The following EPB41L2 variants were observed in gnomAD, a reference collection of about 807,000 sequenced individuals.
The protein encoded by EPB41L2 is band 4.1-like protein 2.
A neutral mutation model predicts 113.0 loss-of-function variants in EPB41L2; 43 were observed. The ratio of observed to expected loss-of-function variants is 0.38; its 90% confidence interval spans 0.30 to 0.49. EPB41L2 has a LOEUF of 0.49. EPB41L2 is among the 20% of genes least tolerant of loss of function. The pLI, the probability that EPB41L2 is intolerant of heterozygous loss-of-function variation, is 0.95. For missense variants in EPB41L2, 1,147 were observed against 1,223.4 expected, an observed-to-expected ratio of 0.94 and a Z score of 0.93; for synonymous variants, 442 against 436.7, an observed-to-expected ratio of 1.01 and a Z score of -0.15.
chr6:131,025,955 G>A lies in EPB41L2; in HGVS notation c.-15+37200C>T, dbSNP rs186835094. Reference sequence around the variant, plus strand: ...TCACAAAGTGGATCAAAGCAAAGCCGTTCAAAGTCACCTAAAAAAAATACC... The same window carrying A: ...TCACAAAGTGGATCAAAGCAAAGCCATTCAAAGTCACCTAAAAAAAATACC... On this transcript the variant is annotated intron_variant, in intron 1 of 19. Coordinates refer to ENST00000337057, the MANE Select transcript of EPB41L2 (RefSeq NM_001431.4). 2.4e-4 allele frequency among the ~76,000 whole-genome samples: 36 copies of A among 152,230 alleles called. No homozygotes were observed. The East Asian group carries it at 5.2e-3, about 22-fold the overall frequency.
intron 3 of EPB41L2, among the ~76,000 whole-genome samples, chr6:130,949,944 T>C (rs1023372671): frequency 6.6e-6 from 1 of 152,218 alleles, no homozygotes; most frequent in Non-Finnish European, 1.5e-5. Flanking sequence ...GAATACAGTA[T>C]ATAATACAAC....
intron 1 of EPB41L2, among the ~76,000 whole-genome samples, chr6:131,037,585 ATTTTTT>A (rs10685424): frequency 1.6e-5 from 2 of 122,674 alleles, no homozygotes; most frequent in African/African-American, 6.3e-5. Context: ...AAAACCTAAA[ATTTTTT>A]TTTTTTTTTT....
At chr6:131,043,502 G>C (rs1239817652) in intron 1 of EPB41L2, among the ~76,000 whole-genome samples, 1 of 151,914 alleles carries the variant, frequency 6.6e-6, no homozygotes, top group Non-Finnish European at 1.5e-5. Flanking sequence ...AACTACATAG[G>C]GATGGAATCA....
intron 1 of EPB41L2, among the ~76,000 whole-genome samples, chr6:131,029,628 C>G (rs1791649080): frequency 6.6e-6 from 1 of 152,186 alleles, no homozygotes; most frequent in Non-Finnish European, 1.5e-5. Context: ...TCTCCCACCT[C>G]AACGCCCATG....
At position 130,974,789 on chromosome 6, in the gene EPB41L2, G is replaced by A. The variant is rs1371023649; in HGVS notation, c.-14-18290C>T. ...CTCCCAGGCTGGAGTACAGTGGCGC[G>A]ATCTCAGTTCACTACAACCTCTGCC... On this transcript the variant is annotated intron_variant, in intron 1 of 19. Transcript: ENST00000337057. Among the ~76,000 whole-genome samples, 11 of 133,780 alleles carry A rather than the reference G, an allele frequency of 8.2e-5. No individual in the cohort carries two copies. The Admixed American group carries it at 9.2e-4, about 11-fold the overall frequency. The allele number at this position is 133,780 out of a possible 152,430, so 87.8% of individuals were successfully genotyped here. A position where few individuals can be genotyped will look rare whatever the true frequency, so the allele number is the denominator to read the frequency against.
Position 130,997,836 on chromosome 6 carries a change from A to G in EPB41L2, c.-14-41337T>C, listed in dbSNP as rs962774553. 9.9e-5 allele frequency among the ~76,000 whole-genome samples: 15 copies of G among 152,266 alleles called. No homozygotes were observed. The East Asian group carries it at 2.9e-3, about 29-fold the overall frequency. ...CTGTAGGGAAGAATTAAAAGAAACT[A>G]TTGGACACAAGTTTCACTCATTATT... On this transcript the variant is annotated intron_variant, in intron 1 of 19. Transcript: ENST00000337057.
intron 3 of EPB41L2, among the ~76,000 whole-genome samples, chr6:130,928,444 T>C (rs1253815524): frequency 6.6e-6 from 1 of 152,214 alleles, no homozygotes; most frequent in African/African-American, 2.4e-5. Context: ...AGAGTTGCAG[T>C]ACATAACAAT....
rs1481990606 is a variant in EPB41L2, at chr6:130,921,711, C to T, written c.810+4894G>A. On this transcript the variant is annotated intron_variant, in intron 4 of 19. Coordinates refer to ENST00000337057, the MANE Select transcript of EPB41L2 (RefSeq NM_001431.4). ...AAATTTATAGATCTGCTTTAATATACCAATATAAAATATTCATACCACAGG... is the reference window on the plus strand; with the variant it reads ...AAATTTATAGATCTGCTTTAATATATCAATATAAAATATTCATACCACAGG... Among the ~76,000 whole-genome samples the T allele has an allele frequency of 4.6e-5, 7 of 152,152 alleles. No individual in the cohort carries two copies. In the East Asian group the frequency reaches 1.2e-3, roughly 25 times the overall value.
intron 1 of EPB41L2, among the ~76,000 whole-genome samples, chr6:130,971,152 C>G (rs1454746473): frequency 6.6e-6 from 1 of 152,188 alleles, no homozygotes; most frequent in East Asian, 1.9e-4. Context: ...CTGCCTTGGC[C>G]TCCCAAAATG....
chr6:130,884,742 A>G (rs1790389237), intron 12 of EPB41L2, among the ~76,000 whole-genome samples: 2 of 152,232 alleles, frequency 1.3e-5, no homozygotes, highest in African/African-American at 4.8e-5. Context: ...TCAAGTCAAT[A>G]ATTAAAATAA....
In EPB41L2 at chr6:131,035,132, A is replaced by G. The variant is rs148237976; in HGVS notation, c.-15+28023T>C. Among the ~76,000 whole-genome samples the G allele has an allele frequency of 3.1e-3, 465 of 152,322 alleles. 1 individual carries two copies. Among genetic ancestry groups the G allele is most frequent in the African/African-American group, 0.011 (439 of 41,560 alleles). On this transcript the variant is annotated intron_variant, in intron 1 of 19. Coordinates refer to ENST00000337057, the MANE Select transcript of EPB41L2 (RefSeq NM_001431.4). ...AGCATCCGAGACCTCTGTTGGCTAA[A>G]ACAACCAATCTTACACGGAAAGGTA...
chr6:130,879,561 T>C (rs550891205), intron 13 of EPB41L2, among the ~76,000 whole-genome samples: 6 of 152,296 alleles, frequency 3.9e-5, no homozygotes, highest in Admixed American at 2.6e-4. Flanking sequence ...ACATTCATAA[T>C]TGGGTGATTG....
At chr6:130,861,075 T>C (rs960628510) in intron 18 of EPB41L2, among the ~76,000 whole-genome samples, 8 of 152,040 alleles carry the variant, frequency 5.3e-5, no homozygotes. Context: ...TTTTTATTTT[T>C]AATTTTTTTA....
intron 1 of EPB41L2, among the ~76,000 whole-genome samples, chr6:130,981,760 T>C (rs2128676313): frequency 6.6e-6 from 1 of 152,326 alleles, no homozygotes; most frequent in African/African-American, 2.4e-5. Context: ...ATCCAAATTG[T>C]AGCTTTATTA....
chr6:130,878,101 T>C lies in EPB41L2; in HGVS notation c.2043+3A>G, dbSNP rs773161726. The C allele has an allele frequency of 1.9e-6, 3 of 1,598,864 alleles. No individual in the cohort carries two copies. Among genetic ancestry groups the C allele is most frequent in the Admixed American group, 1.8e-5 (1 of 56,688 alleles). The stretch of plus-strand genomic sequence containing the variant: ...CAGAGCCAACAAATAGCTAATGACA[T>C]ACCCCTTGTGTCTGTAGGGACAGAG... On this transcript the variant is annotated splice_donor_region_variant and intron_variant, in intron 14 of 19. Coordinates refer to ENST00000337057, the MANE Select transcript of EPB41L2 (RefSeq NM_001431.4).
At chr6:130,841,697 C>A (rs1012442748) in intron 19 of EPB41L2, among the ~76,000 whole-genome samples, 13 of 152,084 alleles carry the variant, frequency 8.5e-5, no homozygotes, top group African/African-American at 2.9e-4. Flanking sequence ...AAGTATAAGA[C>A]AGGATGATAA....
At chr6:130,990,192 A>T (rs975483572) in intron 1 of EPB41L2, among the ~76,000 whole-genome samples, 11 of 152,080 alleles carry the variant, frequency 7.2e-5, no homozygotes, top group African/African-American at 2.4e-4. Flanking sequence ...GTGGTGGTAC[A>T]TGACTGCAGG....
chr6:130,863,814 G>A, intron 17 of EPB41L2, 96 bp from the exon 18 acceptor site: 1 of 749,898 alleles, frequency 1.3e-6, no homozygotes, highest in Non-Finnish European at 2.3e-6. Flanking sequence ...CTAGACCTGT[G>A]GATCATTGTA....
chr6:130,917,701 T>C (rs1344822097), intron 4 of EPB41L2, among the ~76,000 whole-genome samples: 2 of 152,184 alleles, frequency 1.3e-5, no homozygotes, highest in Non-Finnish European at 2.9e-5. Context: ...ATTACAACAG[T>C]CCTGAATAAA....
Sources: gnomAD v4.1 joint callset for allele counts (sites outside exome capture counted in the v4.1 genomes callset) on GRCh38, gnomAD v4.1.1 for gene constraint, MANE v1.5 for transcripts, NCBI Gene and HGNC (gene_info 2026-07-23, HGNC 2026-07-21) for gene names.